The following PIAS3 variants were observed in gnomAD, a reference collection of about 807,000 sequenced individuals.
PIAS3 encodes the protein E3 SUMO-protein ligase PIAS3.
Under a neutral mutation model 67.6 loss-of-function variants are expected in PIAS3, and 34 were observed. The observed-to-expected ratio is 0.50, with a 90% CI of 0.38 to 0.67. The LOEUF (loss-of-function observed/expected upper bound fraction) is 0.67. Ranked by LOEUF, PIAS3 falls within the 30% of genes least tolerant of loss-of-function variation. The pLI is 0.00. For synonymous variants in PIAS3, 341 were observed against 313.8 expected (o/e 1.09, Z -0.92); for missense variants, 693 against 791.6 (o/e 0.88, Z 1.49).
intron 9 of PIAS3, 84 bp downstream of exon 9, chr1:145,853,420 A>AG (rs1242225860): frequency 5.0e-6 from 6 of 1,191,896 alleles, no homozygotes; most frequent in Non-Finnish European, 7.0e-6. Context: ...AAAAAAAAAA[A>AG]AAAGAAAAGA....
intron 1 of PIAS3, 30 bp from the exon 2 acceptor site, chr1:145,857,036 T>A (rs782084347): frequency 2.6e-5 from 42 of 1,604,006 alleles, no homozygotes; most frequent in Non-Finnish European, 2.6e-5. Flanking sequence ...AGCTTGAGCA[T>A]CCTCCCTTGC....
At chr1:145,857,063 A>G in intron 1 of PIAS3, 57 bp from the exon 2 acceptor site, 1 of 1,501,152 alleles carries the variant, frequency 6.7e-7, no homozygotes, top group Non-Finnish European at 9.2e-7. Context: ...CTGCCCTGCC[A>G]AGACATGGGC....
Position 145,856,603 on chromosome 1 carries a change from C to T in PIAS3, c.428G>A (p.Arg143Gln), listed in dbSNP as rs782552967. ...AAGAGCCATACCAAGGGTGGTGGGC[C>T]GGATGAGCTCCCCATAGACTTCATA... ...PFYEVYGELIRPTTLASTSSQ... is the reference protein window; with the variant it reads ...PFYEVYGELIQPTTLASTSSQ... The change falls in exon 2 of 14, where the codon CGG (arginine) becomes CAG (glutamine). Residue 143 changes from arginine to glutamine, a missense_variant. Arg to Gln is a conservative substitution (Grantham distance 43). This residue lies in a region of PIAS3 where 308 missense variants were observed against 348.8 expected (regional missense o/e 0.88). Transcript: ENST00000393045. 1.3e-5 allele frequency: 21 copies of T among 1,564,942 alleles called. No individual in the cohort carries two copies. In the South Asian group the frequency reaches 2.4e-4, roughly 18 times the overall value.
chr1:145,855,058 G>A (rs1450044282), intron 5 of PIAS3, among the ~76,000 whole-genome samples, 178 bp from the exon 6 acceptor site: 2 of 152,222 alleles, frequency 1.3e-5, no homozygotes, highest in African/African-American at 2.4e-5. Context: ...GCACTGTCTA[G>A]GGTTATGTGT....
intron 3 of PIAS3, 48 bp from the exon 4 acceptor site, chr1:145,856,166 G>A (rs1553735547): frequency 2.2e-5 from 33 of 1,528,256 alleles, no homozygotes; most frequent in East Asian, 4.5e-5. Flanking sequence ...AGCCCCCAGA[G>A]GGCAAGGGTG....
Position 145,859,015 on chromosome 1 carries a change from C to T in PIAS3, c.-25G>A. The T allele has an allele frequency of 6.5e-7, 1 of 1,542,700 alleles. No homozygotes were observed. Among genetic ancestry groups the T allele is most frequent in the East Asian group, 2.6e-5 (1 of 38,990 alleles). On this transcript the variant is annotated 5_prime_UTR_variant, in exon 1 of 14. Transcript: ENST00000393045. ...TCTTGAGACATCGCAGGCGCCCCAG[C>T]CGGAGCCGGAGCTCAGGCCCAGGGA...
In PIAS3 at chr1:145,856,104, C is replaced by G; in HGVS notation, c.542G>C (p.Gly181Ala). 1.2e-6 allele frequency: 2 copies of G among 1,613,834 alleles called. No homozygotes were observed. Among genetic ancestry groups the G allele is most frequent in the South Asian group, 2.2e-5 (2 of 91,078 alleles). ...QILTSREVLP[G>A]AKCDYTIQVQ... Reference sequence around the variant, plus strand: ...CTGTATGGTATAATCACATTTGGCTCCTGGCAGAACCTCTCTGTAACAGGG... The same window carrying G: ...CTGTATGGTATAATCACATTTGGCTGCTGGCAGAACCTCTCTGTAACAGGG... Residue 181 changes from glycine (G) to alanine (A), a missense_variant, in exon 4 of 14, where the codon GGA becomes GCA. Gly to Ala is a moderately conservative substitution (Grantham distance 60). This residue lies in a region of PIAS3 where 308 missense variants were observed against 348.8 expected (regional missense o/e 0.88). Coordinates refer to ENST00000393045, the MANE Select transcript of PIAS3 (RefSeq NM_006099.3).
intron 9 of PIAS3, 79 bp downstream of exon 9, chr1:145,853,425 A>T: frequency 8.7e-7 from 1 of 1,152,480 alleles, no homozygotes; most frequent in Non-Finnish European, 1.2e-6. Context: ...AAAAAAAAAG[A>T]AAAGAAAAAG....
At chr1:145,853,948 G>T in intron 7 of PIAS3, 62 bp from the exon 8 acceptor site, 1 of 1,456,796 alleles carries the variant, frequency 6.9e-7, no homozygotes, top group Non-Finnish European at 9.6e-7. Flanking sequence ...CCAGGAGTTG[G>T]TAAGGCCAGG....
In PIAS3 at chr1:145,853,545, C is replaced by T; in HGVS notation, c.1104G>A (p.Val368=). 6.2e-7 allele frequency: 1 copy of T among 1,613,980 alleles called. No homozygotes were observed. The highest frequency in any genetic ancestry group is 1.1e-5 in the South Asian group (1 of 91,040). Residue 368 remains valine, a synonymous_variant, in exon 9 of 14, where the codon GTG becomes GTA. Coordinates refer to ENST00000393045, the MANE Select transcript of PIAS3 (RefSeq NM_006099.3). ...ATTCATAGGGAGCCTTCTTGTCACA[C>T]ACAGGACATGTCCATGTAGGCTTCT... The part of the protein sequence containing the change: ...NEKKPTWTCP[V]CDKKAPYESL...
At chr1:145,858,529 C>T (rs997948804) in intron 1 of PIAS3, among the ~76,000 whole-genome samples, 10 of 151,662 alleles carry the variant, frequency 6.6e-5, no homozygotes, top group Non-Finnish European at 1.2e-4. Context: ...CCTATCCTCT[C>T]AGCTGCCTTT....
At position 145,856,451 on chromosome 1, in the gene PIAS3, G is replaced by C. The variant is rs1553735645; in HGVS notation, c.443-20C>G. The C allele has an allele frequency of 6.2e-7, 1 of 1,611,778 alleles. No homozygotes were observed. The highest frequency in any genetic ancestry group is 1.3e-5 in the African/African-American group (1 of 74,966). On this transcript the variant is annotated intron_variant, in intron 2 of 13. Transcript: ENST00000393045. Reference sequence around the variant, plus strand: ...TGGATGCTGAGGATACAAAGGGGCAGTTATTCCAAGCCCATGCACAGGCAG... The same window carrying C: ...TGGATGCTGAGGATACAAAGGGGCACTTATTCCAAGCCCATGCACAGGCAG...
Position 145,849,689 on chromosome 1 carries a change from G to A in PIAS3, c.1644C>T (p.Thr548=). 6.2e-7 allele frequency: 1 copy of A among 1,607,308 alleles called. No homozygotes were observed. The highest frequency in any genetic ancestry group is 8.5e-7 in the Non-Finnish European group (1 of 1,177,024). The change falls in exon 14 of 14, where the codon ACC becomes ACT. Residue 548 remains threonine (T), a synonymous_variant. Transcript: ENST00000393045. The part of the protein sequence containing the change: ...ESQHYGPSVI[T]SLDEQDALGH... ...CAAGGGCATCCTGTTCATCTAGTGAGGTGATGACAGAGGGGCCATAGTGCT... is the reference window on the plus strand; with the variant it reads ...CAAGGGCATCCTGTTCATCTAGTGAAGTGATGACAGAGGGGCCATAGTGCT...
rs782391519 is a variant in PIAS3, at chr1:145,850,908, A to C, written c.1311T>G (p.Asp437Glu). Residue 437 changes from aspartate to glutamate, a missense_variant, in exon 11 of 14, where the codon GAT becomes GAG. Physicochemically the swap from Asp to Glu is conservative, Grantham distance 45. Coordinates refer to ENST00000393045, the MANE Select transcript of PIAS3 (RefSeq NM_006099.3). ...CGACCTTCTTCTTATTCTCTGATGGATCTCCCCCCTGGACTGGGCTGTACT... is the reference window on the plus strand; with the variant it reads ...CGACCTTCTTCTTATTCTCTGATGGCTCTCCCCCCTGGACTGGGCTGTACT... ...GLQYSPVQGG[D>E]PSENKKKVEV... is the part of the protein sequence containing the mutation. 1 of 1,614,062 alleles carries C rather than the reference A, an allele frequency of 6.2e-7. No homozygotes were observed. Among genetic ancestry groups the C allele is most frequent in the South Asian group, 1.1e-5 (1 of 91,070 alleles).
At position 145,853,569 on chromosome 1, in the gene PIAS3, C is replaced by T; in HGVS notation, c.1080G>A (p.Lys360=). 3 of 1,614,080 alleles carry T rather than the reference C, an allele frequency of 1.9e-6. No homozygotes were observed. Among genetic ancestry groups the T allele is most frequent in the South Asian group, 1.1e-5 (1 of 91,076 alleles). The change falls in exon 9 of 14, where the codon AAG becomes AAA. Residue 360 remains lysine, a synonymous_variant. Coordinates refer to ENST00000393045, the MANE Select transcript of PIAS3 (RefSeq NM_006099.3). Reference sequence around the variant, plus strand: ...ACACAGGACATGTCCATGTAGGCTTCTTCTCATTCATCTGTAGATAAAGGG... The same window carrying T: ...ACACAGGACATGTCCATGTAGGCTTTTTCTCATTCATCTGTAGATAAAGGG... ...DAALYLQMNE[K]KPTWTCPVCD... is the part of the protein sequence containing the mutation.
Position 145,859,032 on chromosome 1 carries a change from G to A in PIAS3, c.-42C>T. 1 of 1,538,304 alleles carries A rather than the reference G, an allele frequency of 6.5e-7. No individual in the cohort carries two copies. Among genetic ancestry groups the A allele is most frequent in the South Asian group, 1.2e-5 (1 of 82,938 alleles). On this transcript the variant is annotated 5_prime_UTR_variant, in exon 1 of 14. Coordinates refer to ENST00000393045, the MANE Select transcript of PIAS3 (RefSeq NM_006099.3). ...CGCCCCAGCCGGAGCCGGAGCTCAG[G>A]CCCAGGGACCGGCGCACAACTCTCC...
In PIAS3 at chr1:145,849,537, G is replaced by A; in HGVS notation, c.1796C>T (p.Pro599Leu). ...PPGRVSSIVA[P>L]GGALREGHGG... The stretch of plus-strand genomic sequence containing the variant: ...ATGCCCCTCCCTCAAGGCCCCCCCA[G>A]GGGCCACAATGCTGCTGACACGGCC... Residue 599 changes from proline to leucine, a missense_variant, in exon 14 of 14, where the codon CCT (proline) becomes CTT (leucine). Coordinates refer to ENST00000393045, the MANE Select transcript of PIAS3 (RefSeq NM_006099.3). The A allele has an allele frequency of 1.9e-6, 3 of 1,593,044 alleles. No homozygotes were observed. Among genetic ancestry groups the A allele is most frequent in the African/African-American group, 2.7e-5 (2 of 73,964 alleles).
intron 12 of PIAS3, 54 bp from the exon 13 acceptor site, chr1:145,850,323 AAAAGACAAAGCAC>A (rs1317993530): frequency 6.2e-7 from 1 of 1,613,814 alleles, no homozygotes; most frequent in African/African-American, 1.3e-5. Flanking sequence ...CTTTACCACC[AAAAGACAAAGCAC>A]TGTGGACTGT....
intron 7 of PIAS3, chr1:145,854,244 G>A (rs1337086625): frequency 1.7e-6 from 1 of 604,198 alleles, no homozygotes; most frequent in Non-Finnish European, 2.9e-6. Flanking sequence ...GTGCAAAGCA[G>A]ATACATGATT....
Sources: gnomAD v4.1 joint callset for allele counts (sites outside exome capture counted in the v4.1 genomes callset) on GRCh38, gnomAD v4.1.1 for gene constraint, gnomAD v4.1.1 regional missense constraint, MANE v1.5 for transcripts, NCBI Gene and HGNC (gene_info 2026-07-23, HGNC 2026-07-21) for gene names.